Variants in EDEM1 observed in about 807,000 individuals in gnomAD.
The protein encoded by EDEM1 is ER degradation enhancing alpha-mannosidase like protein 1.
Under a neutral mutation model 74.4 loss-of-function variants are expected in EDEM1, and 67 were observed. The observed-to-expected ratio is 0.90, with a 90% CI of 0.74 to 1.10. EDEM1 has a LOEUF of 1.10. Ranked by LOEUF, EDEM1 falls within the 50% of genes least tolerant of loss-of-function variation. The pLI is 0.00. For synonymous variants in EDEM1, 382 were observed against 335.9 expected (o/e 1.14, Z -1.50); for missense variants, 926 against 851.6 (o/e 1.09, Z -1.09).
chr3:5,187,796 C>T lies in EDEM1; in HGVS notation c.-10C>T, dbSNP rs2054842043. ...CGCTTTAAAATAATGCCCGCGGCGCCCGCGCGACCATGCAATGGCGAGCGC... is the reference window on the plus strand; with the variant it reads ...CGCTTTAAAATAATGCCCGCGGCGCTCGCGCGACCATGCAATGGCGAGCGC... On this transcript the variant is annotated 5_prime_UTR_variant, in exon 1 of 12. Coordinates refer to ENST00000256497, the MANE Select transcript of EDEM1 (RefSeq NM_014674.3). 1.3e-6 allele frequency: 2 copies of T among 1,549,582 alleles called. No individual in the cohort carries two copies. The highest frequency in any genetic ancestry group is 1.7e-6 in the Non-Finnish European group (2 of 1,147,012).
chr3:5,203,018 C>T lies in EDEM1; in HGVS notation c.911C>T (p.Ala304Val), dbSNP rs770826919. 2.0e-5 allele frequency: 33 copies of T among 1,613,598 alleles called. No individual in the cohort carries two copies. The Middle Eastern group carries it at 9.9e-4, about 48-fold the overall frequency. The stretch of plus-strand genomic sequence containing the variant: ...GACACCAATAATGAGACATGCACAG[C>T]GGGAGCCGGTTCCCTCCTGGTGGAA... ...PPDTNNETCTAGAGSLLVEFG... is the reference protein window; with the variant it reads ...PPDTNNETCTVGAGSLLVEFG... The change falls in exon 5 of 12, where the codon GCG becomes GTG. Residue 304 changes from alanine to valine, a missense_variant. Physicochemically the swap from Ala to Val is moderately conservative, Grantham distance 64 (BLOSUM62 0). Transcript: ENST00000256497.
At chr3:5,188,352 C>G (rs767436877) in intron 1 of EDEM1, 38 bp downstream of exon 1, 3 of 1,375,074 alleles carry the variant, frequency 2.2e-6, no homozygotes, top group Admixed American at 7.6e-5. Flanking sequence ...CGCGCCCACG[C>G]GCTTCCTTCC....
chr3:5,198,662 CTTTTTTTTTTTT>C (rs57260414), intron 2 of EDEM1, among the ~76,000 whole-genome samples: 34 of 75,162 alleles, frequency 4.5e-4, no homozygotes, highest in African/African-American at 1.3e-3. Flanking sequence ...ACGTATATAG[CTTTTTTTTTTTT>C]TTTTTTTTTT....
Position 5,216,290 on chromosome 3 carries a change from A to T in EDEM1, c.*372A>T, listed in dbSNP as rs7613380. The T allele has an allele frequency of 0.13, 22,656 of 173,048 alleles. 1,692 individuals carry two copies. The highest frequency in any genetic ancestry group is 0.17 in the Non-Finnish European group (13,817 of 81,892). The allele number at this position is 173,048 out of a possible 1,614,324, so 10.7% of individuals were successfully genotyped here. Reference sequence around the variant, plus strand: ...TATACTGGAGTATTGCTATGTCTTTAAAAAATTTTTTTTATTATATTTTAT... The same window carrying T: ...TATACTGGAGTATTGCTATGTCTTTTAAAAATTTTTTTTATTATATTTTAT... On this transcript the variant is annotated 3_prime_UTR_variant, in exon 12 of 12. Coordinates refer to ENST00000256497, the MANE Select transcript of EDEM1 (RefSeq NM_014674.3).
intron 5 of EDEM1, among the ~76,000 whole-genome samples, 155 bp from the exon 6 acceptor site, chr3:5,204,912 G>A (rs998425172): frequency 6.6e-6 from 1 of 152,204 alleles, no homozygotes; most frequent in Non-Finnish European, 1.5e-5. Context: ...TGATAAGACT[G>A]ATAAAAATGT....
In EDEM1 at chr3:5,187,764, G is replaced by A. The variant is rs199863019; in HGVS notation, c.-42G>A. 3.4e-6 allele frequency: 5 copies of A among 1,491,872 alleles called. No homozygotes were observed. In the South Asian group the frequency reaches 3.8e-5, roughly 11 times the overall value. The allele number at this position is 1,491,872 out of a possible 1,614,324, so 92.4% of individuals were successfully genotyped here. On this transcript the variant is annotated 5_prime_UTR_variant, in exon 1 of 12. Coordinates refer to ENST00000256497, the MANE Select transcript of EDEM1 (RefSeq NM_014674.3). The stretch of plus-strand genomic sequence containing the variant: ...GCGGGGTGCGGTGGTCGGCGGGGAG[G>A]CCCCCGCGCTTTAAAATAATGCCCG...
chr3:5,208,353 G>A, intron 8 of EDEM1, 90 bp downstream of exon 8: 2 of 1,478,250 alleles, frequency 1.4e-6, no homozygotes, highest in Non-Finnish European at 1.8e-6. Flanking sequence ...GAGTGATTTA[G>A]GGTTATGTTG....
At chr3:5,198,064 A>G (rs2054990977) in intron 2 of EDEM1, among the ~76,000 whole-genome samples, 1 of 151,482 alleles carries the variant, frequency 6.6e-6, no homozygotes. Context: ...TTTTTTTTTG[A>G]GACAGAGTCT....
chr3:5,194,990 C>T lies in EDEM1; in HGVS notation c.510-219C>T. The T allele has an allele frequency of 1.5e-5, 5 of 343,968 alleles. No individual in the cohort carries two copies. The South Asian group carries it at 3.8e-4, about 26-fold the overall frequency. 21.3% of individuals were successfully genotyped at this position (343,968 alleles called of 1,614,324 possible). ...TGTGAGCATTCTTTCCACTCTGGTA[C>T]AAGTGTGTCTCCACAGTTCTGTGAC... On this transcript the variant is annotated intron_variant, in intron 1 of 11. Transcript: ENST00000256497.
intron 2 of EDEM1, among the ~76,000 whole-genome samples, chr3:5,196,759 G>A (rs1385635115): frequency 1.3e-5 from 2 of 152,040 alleles, no homozygotes; most frequent in Non-Finnish European, 2.9e-5. Flanking sequence ...ATCAAAATGT[G>A]CCCAGACAAG....
intron 11 of EDEM1, among the ~76,000 whole-genome samples, chr3:5,213,729 C>T (rs1305393536): frequency 6.6e-6 from 1 of 152,186 alleles, no homozygotes; most frequent in African/African-American, 2.4e-5. Flanking sequence ...CTGCTGGCTG[C>T]AGGTGCTGGT....
intron 3 of EDEM1, among the ~76,000 whole-genome samples, chr3:5,200,324 C>T (rs2055019681): frequency 6.6e-6 from 1 of 152,214 alleles, no homozygotes; most frequent in Non-Finnish European, 1.5e-5. Context: ...TTTCTTCTTT[C>T]ACCGTGTCCT....
At chr3:5,207,636 A>T (rs959066844) in intron 7 of EDEM1, among the ~76,000 whole-genome samples, 1 of 152,104 alleles carries the variant, frequency 6.6e-6, no homozygotes, top group African/African-American at 2.4e-5. Context: ...CCTCCAGGGT[A>T]GCTGGGATTA....
Position 5,213,413 on chromosome 3 carries a change from A to C in EDEM1, c.1775A>C (p.Glu592Ala). ...HIVSVDEHLR[E>A]LPWKEFFSEE... The stretch of plus-strand genomic sequence containing the variant: ...GTATCTGTGGATGAGCATCTTCGGG[A>C]ATTGCCATGGAAGGAATTCTTCTCT... Residue 592 changes from glutamate (E) to alanine (A), a missense_variant, in exon 11 of 12, where the codon GAA becomes GCA. Glu to Ala is a moderately radical substitution (Grantham distance 107). Transcript: ENST00000256497. 6.2e-7 allele frequency: 1 copy of C among 1,614,184 alleles called. No individual in the cohort carries two copies. The highest frequency in any genetic ancestry group is 8.5e-7 in the Non-Finnish European group (1 of 1,180,030).
At chr3:5,202,056 A>G in intron 4 of EDEM1, 132 bp downstream of exon 4, 1 of 1,170,438 alleles carries the variant, frequency 8.5e-7, no homozygotes, top group Non-Finnish European at 1.2e-6. Flanking sequence ...CCTTAGAAGA[A>G]TTTGGCCTTA....
rs149864876 is a variant in EDEM1 at position 5,213,659 on chromosome 3, C to G, written c.1884+137C>G. On this transcript the variant is annotated intron_variant, in intron 11 of 11. Transcript: ENST00000256497. ...GATTTGAAAACACCTCCTAAAGACA[C>G]CATTTACATAGCTGTTGTCAGGGTA... The G allele has an allele frequency of 3.7e-4, 304 of 811,806 alleles. 2 individuals carry two copies. The African/African-American group carries it at 4.9e-3, about 13-fold the overall frequency. The allele number at this position is 811,806 out of a possible 1,614,324, so 50.3% of individuals were successfully genotyped here.
chr3:5,205,673 C>A (rs1319824660), intron 6 of EDEM1, among the ~76,000 whole-genome samples: 1 of 152,238 alleles, frequency 6.6e-6, no homozygotes, highest in African/African-American at 2.4e-5. Flanking sequence ...GGGCTCAGTT[C>A]TTTGCCAAGG....
chr3:5,208,331 T>C (rs2055124941), intron 8 of EDEM1, 68 bp downstream of exon 8: 2 of 1,551,076 alleles, frequency 1.3e-6, no homozygotes, highest in Admixed American at 4.0e-5. Flanking sequence ...TCATTCTTAA[T>C]GAACATTTGC....
intron 3 of EDEM1, among the ~76,000 whole-genome samples, chr3:5,200,300 T>C (rs370021509): frequency 3.3e-5 from 5 of 152,230 alleles, no homozygotes; most frequent in Non-Finnish European, 5.9e-5. Flanking sequence ...TTTCCCTTTA[T>C]AGTCTGATTT....
Sources: gnomAD v4.1 joint callset for allele counts (sites outside exome capture counted in the v4.1 genomes callset) on GRCh38, gnomAD v4.1.1 for gene constraint, MANE v1.5 for transcripts, NCBI Gene and HGNC (gene_info 2026-07-23, HGNC 2026-07-21) for gene names.